WDR70: variants seen among roughly 807,000 people sequenced by gnomAD.
WDR70 encodes the protein WD repeat-containing protein 70.
WDR70 carries 53 observed loss-of-function variants against 88.6 expected under a neutral mutation model. The ratio of observed to expected loss-of-function variants is 0.60; its 90% CI spans 0.48 to 0.75. WDR70 has a LOEUF of 0.75. Ranked by LOEUF, WDR70 falls within the 30% of genes least tolerant of loss-of-function variation. The pLI, the probability that WDR70 is intolerant of heterozygous loss-of-function variation, is 0.00. For missense variants in WDR70, 610 were observed against 823.2 expected (o/e 0.74, Z 3.17); for synonymous variants, 280 against 270.0 (o/e 1.04, Z -0.36).
chr5:37,641,568 C>T (rs896760047), intron 10 of WDR70, among the ~76,000 whole-genome samples: 4 of 152,040 alleles, frequency 2.6e-5, no homozygotes, highest in African/African-American at 7.3e-5. Flanking sequence ...AGACATGTGC[C>T]ACTACGCCCT....
At chr5:37,567,589 A>G (rs1156237021) in intron 9 of WDR70, among the ~76,000 whole-genome samples, 4 of 151,802 alleles carry the variant, frequency 2.6e-5, no homozygotes, top group Non-Finnish European at 5.9e-5. Context: ...GCTGTGTCTC[A>G]TGGGCTTTTT....
intron 9 of WDR70, among the ~76,000 whole-genome samples, chr5:37,565,548 A>T (rs1174909459): frequency 6.6e-6 from 1 of 152,140 alleles, no homozygotes; most frequent in African/African-American, 2.4e-5. Flanking sequence ...TGTTATCTTG[A>T]TGAAAGAAGA....
At position 37,568,166 on chromosome 5, in the gene WDR70, G is replaced by A. The variant is rs143967030; in HGVS notation, c.918-36898G>A. 4.3e-3 allele frequency among the ~76,000 whole-genome samples: 652 copies of A among 152,192 alleles called. 2 individuals carry two copies. Among genetic ancestry groups the A allele is most frequent in the Middle Eastern group, 6.8e-3 (2 of 294 alleles). On this transcript the variant is annotated intron_variant, in intron 9 of 17. Transcript: ENST00000265107. ...CCCTACCCACCCATCCACCCACCTG[G>A]CTCCTTCTTGTGGTACAGGGGTGTA...
At chr5:37,605,867 T>C (rs538125718) in intron 10 of WDR70, among the ~76,000 whole-genome samples, 1 of 152,206 alleles carries the variant, frequency 6.6e-6, no homozygotes. Context: ...AAAAGCTTCT[T>C]GTTTTATGTA....
At chr5:37,715,332 T>A (rs1267418670) in intron 13 of WDR70, among the ~76,000 whole-genome samples, 2 of 103,268 alleles carry the variant, frequency 1.9e-5, no homozygotes, top group Non-Finnish European at 4.5e-5. Flanking sequence ...TGAGAAGATT[T>A]CTGGCAAAAA....
intron 9 of WDR70, among the ~76,000 whole-genome samples, chr5:37,526,266 A>T (rs994411110): frequency 6.6e-6 from 1 of 152,230 alleles, no homozygotes; most frequent in African/African-American, 2.4e-5. Context: ...CCAGCAGCCC[A>T]TCAAAAAGCT....
chr5:37,636,125 G>A lies in WDR70; in HGVS notation c.1092+30887G>A, dbSNP rs1744957669. Among the ~76,000 whole-genome samples, 4 of 152,244 alleles carry A rather than the reference G, an allele frequency of 2.6e-5. No individual in the cohort carries two copies. The South Asian group carries it at 8.3e-4, about 32-fold the overall frequency. ...CCACATGAGAATGGACTAATACAATGATATTAGTCAAGTTGGGATAATTTG... is the reference window on the plus strand; with the variant it reads ...CCACATGAGAATGGACTAATACAATAATATTAGTCAAGTTGGGATAATTTG... On this transcript the variant is annotated intron_variant, in intron 10 of 17. Coordinates refer to ENST00000265107, the MANE Select transcript of WDR70 (RefSeq NM_018034.4).
chr5:37,703,933 A>C (rs1387043176), intron 13 of WDR70, among the ~76,000 whole-genome samples: 7 of 152,140 alleles, frequency 4.6e-5, no homozygotes, highest in Non-Finnish European at 1.0e-4. Flanking sequence ...CAGTTGTTTC[A>C]GCTCTTTGTA....
chr5:37,725,106 A>G, intron 16 of WDR70, 56 bp downstream of exon 16: 1 of 1,484,788 alleles, frequency 6.7e-7, no homozygotes, highest in South Asian at 1.2e-5. Context: ...GGGTGGGGTA[A>G]TTGATATAAA....
At chr5:37,644,705 A>T (rs1183866961) in intron 10 of WDR70, among the ~76,000 whole-genome samples, 1 of 151,950 alleles carries the variant, frequency 6.6e-6, no homozygotes, top group African/African-American at 2.4e-5. Context: ...CAGTCTTGGT[A>T]AGGGTTATGT....
At chr5:37,522,479 A>G (rs1741127544) in intron 9 of WDR70, among the ~76,000 whole-genome samples, 1 of 151,408 alleles carries the variant, frequency 6.6e-6, no homozygotes, top group Admixed American at 6.6e-5. Flanking sequence ...TCAAAAAAAA[A>G]AAAAAAAAAA....
At chr5:37,385,581 G>A (rs556380252) in intron 3 of WDR70, among the ~76,000 whole-genome samples, 3 of 71,792 alleles carry the variant, frequency 4.2e-5, no homozygotes, top group African/African-American at 8.0e-5. Context: ...TCCAGAGATT[G>A]GTGGGTGGGG....
At chr5:37,435,614 A>C (rs574903677) in intron 5 of WDR70, among the ~76,000 whole-genome samples, 1 of 152,142 alleles carries the variant, frequency 6.6e-6, no homozygotes, top group African/African-American at 2.4e-5. Context: ...AACTACCTTT[A>C]TTTCTGTATT....
At chr5:37,436,967 T>C (rs1376230008) in intron 5 of WDR70, among the ~76,000 whole-genome samples, 1 of 152,112 alleles carries the variant, frequency 6.6e-6, no homozygotes, top group Admixed American at 6.6e-5. Context: ...TAATGAGACT[T>C]GAATAAACAA....
intron 8 of WDR70, chr5:37,506,809 C>A (rs13155335): frequency 1.5e-6 from 2 of 1,356,292 alleles, no homozygotes; most frequent in South Asian, 2.3e-5. Flanking sequence ...ACAGCAACCA[C>A]CTTTCCGTTC....
chr5:37,599,026 G>A (rs1374328542), intron 9 of WDR70, among the ~76,000 whole-genome samples: 1 of 152,198 alleles, frequency 6.6e-6, no homozygotes, highest in Non-Finnish European at 1.5e-5. Flanking sequence ...GAGGTAAAGG[G>A]AAGCATTAAT....
At chr5:37,732,787 G>A (rs747431466) in intron 17 of WDR70, among the ~76,000 whole-genome samples, 2 of 151,866 alleles carry the variant, frequency 1.3e-5, no homozygotes, top group African/African-American at 2.4e-5. Flanking sequence ...CCAGTTAATC[G>A]TTTTTTATTT....
intron 8 of WDR70, among the ~76,000 whole-genome samples, chr5:37,511,270 A>G (rs1740712406): frequency 6.6e-6 from 1 of 152,028 alleles, no homozygotes; most frequent in South Asian, 2.1e-4. Flanking sequence ...TTGTTTGTAT[A>G]TTTATTATAT....
intron 9 of WDR70, among the ~76,000 whole-genome samples, chr5:37,577,432 A>G (rs994031167): frequency 2.6e-5 from 4 of 152,142 alleles, no homozygotes; most frequent in African/African-American, 7.2e-5. Context: ...TAGTGAGCTG[A>G]TTAAATGCAC....
Sources: gnomAD v4.1 joint callset for allele counts (sites outside exome capture counted in the v4.1 genomes callset) on GRCh38, gnomAD v4.1.1 for gene constraint, MANE v1.5 for transcripts, NCBI Gene and HGNC (gene_info 2026-07-23, HGNC 2026-07-21) for gene names.